The following GPC5 variants were observed in gnomAD, a reference collection of about 807,000 sequenced individuals.
GPC5 encodes glypican-5.
In GPC5, 47 loss-of-function variants were observed where a neutral mutation model predicts 53.9. The observed-to-expected ratio is 0.87, with a 90% CI of 0.69 to 1.11. The LOEUF is 1.11. Among genes scored for constraint, GPC5 ranks in the 50% most tolerant of loss-of-function variants. The pLI, the probability that GPC5 is intolerant of heterozygous loss-of-function variation, is 0.00. For synonymous variants in GPC5, 286 were observed against 263.3 expected, an observed-to-expected ratio of 1.09 and a Z score of -0.84; for missense variants, 748 against 713.1, an observed-to-expected ratio of 1.05 and a Z score of -0.56.
chr13:91,543,684 G>A (rs1218996751), intron 2 of GPC5, among the ~76,000 whole-genome samples: 2 of 152,112 alleles, frequency 1.3e-5, no homozygotes, highest in African/African-American at 4.8e-5. Context: ...TCAGTTAATC[G>A]TTCAGGTTGA....
intron 2 of GPC5, among the ~76,000 whole-genome samples, chr13:91,660,475 T>C (rs1822915): frequency 0.15 from 23,186 of 152,172 alleles, 1,965 homozygotes; most frequent in East Asian, 0.28. Flanking sequence ...ATGACTGCAT[T>C]CCCGGCAGAT....
intron 7 of GPC5, among the ~76,000 whole-genome samples, chr13:92,408,590 G>A (rs189026137): frequency 1.4e-3 from 207 of 151,854 alleles, no homozygotes; most frequent in African/African-American, 4.8e-3. Context: ...CTGGTAAAGA[G>A]TGTTTTAGCT....
At chr13:91,875,139 T>A (rs1294920671) in intron 5 of GPC5, among the ~76,000 whole-genome samples, 1 of 152,202 alleles carries the variant, frequency 6.6e-6, no homozygotes, top group African/African-American at 2.4e-5. Context: ...TCTCTAAGGT[T>A]TGGTCTCCTG....
chr13:92,834,832 T>C (rs550772262), intron 7 of GPC5, among the ~76,000 whole-genome samples: 9 of 152,202 alleles, frequency 5.9e-5, no homozygotes, highest in Admixed American at 4.6e-4. Context: ...TAGTGTAAAG[T>C]TGGTTTAAAG....
intron 3 of GPC5, among the ~76,000 whole-genome samples, chr13:91,707,555 A>G (rs1175037144): frequency 6.6e-6 from 1 of 152,204 alleles, no homozygotes; most frequent in Non-Finnish European, 1.5e-5. Flanking sequence ...TGGGACATCC[A>G]GGCTGCAGTG....
intron 7 of GPC5, among the ~76,000 whole-genome samples, chr13:92,201,030 C>T (rs554554989): frequency 4.6e-5 from 7 of 152,026 alleles, no homozygotes; most frequent in East Asian, 1.9e-4. Flanking sequence ...CGGGAGGTTA[C>T]GCCTTCTCTC....
At chr13:92,729,554 A>G (rs921216938) in intron 7 of GPC5, among the ~76,000 whole-genome samples, 1 of 151,430 alleles carries the variant, frequency 6.6e-6, no homozygotes, top group African/African-American at 2.4e-5. Flanking sequence ...AAAATTACTT[A>G]TATGGTTTAT....
intron 7 of GPC5, among the ~76,000 whole-genome samples, chr13:92,205,778 G>A (rs1042831046): frequency 3.9e-5 from 6 of 152,118 alleles, no homozygotes; most frequent in Non-Finnish European, 7.4e-5. Flanking sequence ...CAGGCGCGGT[G>A]GCTCACGCCT....
intron 7 of GPC5, among the ~76,000 whole-genome samples, chr13:92,258,606 A>T (rs183667972): frequency 6.6e-6 from 1 of 152,310 alleles, no homozygotes. Flanking sequence ...TAAATATATG[A>T]CATTGTAACT....
chr13:92,436,353 A>G (rs980025589), intron 7 of GPC5, among the ~76,000 whole-genome samples: 13 of 152,194 alleles, frequency 8.5e-5, no homozygotes, highest in Non-Finnish European at 1.8e-4. Flanking sequence ...TGTCATTCAT[A>G]TTATACTTCT....
intron 7 of GPC5, among the ~76,000 whole-genome samples, chr13:92,193,171 T>C (rs993604664): frequency 6.5e-5 from 3 of 46,224 alleles, no homozygotes; most frequent in African/African-American, 4.1e-4. Flanking sequence ...CGAGACTCTG[T>C]CTCAAAAAAA....
At chr13:92,766,102 G>A (rs943111642) in intron 7 of GPC5, among the ~76,000 whole-genome samples, 49 of 152,214 alleles carry the variant, frequency 3.2e-4, no homozygotes, top group South Asian at 6.2e-4. Context: ...CATTTGGCCC[G>A]TTGGTCATAG....
chr13:92,071,578 T>G (rs1296798425), intron 6 of GPC5, among the ~76,000 whole-genome samples: 1 of 152,012 alleles, frequency 6.6e-6, no homozygotes, highest in Non-Finnish European at 1.5e-5. Context: ...AATACCAAAA[T>G]ATATCATTAA....
chr13:92,020,725 G>A (rs2040750757), intron 6 of GPC5, among the ~76,000 whole-genome samples: 1 of 139,406 alleles, frequency 7.2e-6, no homozygotes, highest in Non-Finnish European at 1.5e-5. Flanking sequence ...CATAGAATTT[G>A]AAGATTAACT....
intron 7 of GPC5, among the ~76,000 whole-genome samples, chr13:92,863,511 G>A (rs1221504441): frequency 6.6e-6 from 1 of 151,924 alleles, no homozygotes; most frequent in Non-Finnish European, 1.5e-5. Flanking sequence ...ACCTTATTTC[G>A]AGATGGAGTT....
chr13:92,368,537 A>G (rs997324098), intron 7 of GPC5, among the ~76,000 whole-genome samples: 8 of 146,082 alleles, frequency 5.5e-5, no homozygotes, highest in African/African-American at 2.0e-4. Flanking sequence ...CCAGCTACTT[A>G]GGAGGCTGAG....
intron 7 of GPC5, among the ~76,000 whole-genome samples, chr13:92,506,517 G>C (rs1594258761): frequency 6.6e-6 from 1 of 152,198 alleles, no homozygotes; most frequent in Admixed American, 6.5e-5. Flanking sequence ...AATAAAGCAT[G>C]TTCCTCATAT....
chr13:92,529,958 C>G (rs1457276223), intron 7 of GPC5, among the ~76,000 whole-genome samples: 1 of 151,858 alleles, frequency 6.6e-6, no homozygotes, highest in African/African-American at 2.4e-5. Flanking sequence ...GTAGTGCGCC[C>G]CTGTAGTCCC....
chr13:91,501,011 C>A (rs1359352217), intron 2 of GPC5, among the ~76,000 whole-genome samples: 1 of 152,056 alleles, frequency 6.6e-6, no homozygotes. Context: ...GATTGGGAGG[C>A]CTCCCCAGCC....
Sources: allele counts gnomAD v4.1 joint callset (sites outside exome capture counted in the v4.1 genomes callset), GRCh38; gene constraint gnomAD v4.1.1; transcripts MANE v1.5; gene names NCBI Gene and HGNC (gene_info 2026-07-23, HGNC 2026-07-21).